The following CCSER1 variants were observed in gnomAD, a reference collection of about 807,000 sequenced individuals.
CCSER1 encodes the protein coiled-coil serine rich protein 1.
CCSER1 carries 41 observed loss-of-function variants against 82.0 expected under a neutral mutation model. The observed-to-expected ratio is 0.50, with a 90% CI of 0.39 to 0.65. The LOEUF is 0.65. CCSER1 is among the 30% of genes least tolerant of loss of function. The pLI is 0.00. For missense variants in CCSER1, 1,119 were observed against 1,064.2 expected, an observed-to-expected ratio of 1.05 and a Z score of -0.72; for synonymous variants, 414 against 383.9, an observed-to-expected ratio of 1.08 and a Z score of -0.92.
intron 3 of CCSER1, among the ~76,000 whole-genome samples, chr4:90,387,118 CAT>C (rs757222867): frequency 9.9e-5 from 15 of 152,010 alleles, no homozygotes; most frequent in Non-Finnish European, 2.2e-4. Flanking sequence ...GGCGGAAAGA[CAT>C]AAAGAAAAAC....
At chr4:91,480,366 A>G (rs868690131) in intron 10 of CCSER1, among the ~76,000 whole-genome samples, 1 of 152,208 alleles carries the variant, frequency 6.6e-6, no homozygotes. Flanking sequence ...CCAACAGTGT[A>G]AAAGTGTTCC....
chr4:91,132,922 A>G (rs888009535), intron 10 of CCSER1, among the ~76,000 whole-genome samples: 4 of 152,154 alleles, frequency 2.6e-5, no homozygotes, highest in African/African-American at 9.6e-5. Context: ...TATTTACCAC[A>G]ATAATTTTTC....
rs560273679 is a variant in CCSER1, at chr4:90,736,625, G to A, written c.2010+12634G>A. ...TGAAATGTGTTTCTTGTAGGAAACA[G>A]ATTATTAGGTCATTTTTTTTATCCA... On this transcript the variant is annotated intron_variant, in intron 7 of 10. Coordinates refer to ENST00000509176, the MANE Select transcript of CCSER1 (RefSeq NM_001145065.2). Among the ~76,000 whole-genome samples the A allele has an allele frequency of 1.0e-4, 14 of 137,200 alleles. No homozygotes were observed. In the South Asian group the frequency reaches 3.1e-3, roughly 30 times the overall value. The allele number at this position is 137,200 out of a possible 152,430, so 90.0% of individuals were successfully genotyped here.
At chr4:90,539,894 T>C (rs1040715555) in intron 5 of CCSER1, among the ~76,000 whole-genome samples, 5 of 151,902 alleles carry the variant, frequency 3.3e-5, no homozygotes, top group African/African-American at 1.2e-4. Flanking sequence ...ATATAAGTAG[T>C]AGTAATTTAC....
chr4:91,082,317 C>G (rs62312171), intron 9 of CCSER1, among the ~76,000 whole-genome samples: 26 of 152,030 alleles, frequency 1.7e-4, no homozygotes, highest in Admixed American at 1.7e-3. Context: ...GGAAAGGATT[C>G]CCTATTTAAT....
intron 1 of CCSER1, among the ~76,000 whole-genome samples, chr4:90,276,633 A>C (rs556374368): frequency 1.3e-5 from 2 of 152,228 alleles, no homozygotes; most frequent in East Asian, 3.9e-4. Flanking sequence ...GGCGTGAGCC[A>C]CTGTGCCTGG....
intron 1 of CCSER1, among the ~76,000 whole-genome samples, chr4:90,163,342 T>C (rs1224652347): frequency 1.3e-5 from 2 of 152,066 alleles, no homozygotes; most frequent in East Asian, 3.9e-4. Context: ...CATTCTTAAA[T>C]AGGTCAGAAT....
intron 3 of CCSER1, among the ~76,000 whole-genome samples, chr4:90,342,261 A>C (rs555779315): frequency 2.0e-5 from 3 of 152,256 alleles, no homozygotes; most frequent in African/African-American, 7.2e-5. Context: ...TGACCTGGGG[A>C]TCTCACAGTT....
At chr4:91,283,520 T>C (rs1743068523) in intron 10 of CCSER1, among the ~76,000 whole-genome samples, 1 of 152,142 alleles carries the variant, frequency 6.6e-6, no homozygotes, top group African/African-American at 2.4e-5. Context: ...ATCATGTGTG[T>C]TCTACTTTTC....
intron 4 of CCSER1, among the ~76,000 whole-genome samples, chr4:90,447,183 T>C (rs1276422453): frequency 6.6e-6 from 1 of 152,188 alleles, no homozygotes; most frequent in Non-Finnish European, 1.5e-5. Context: ...ACAGAAAGAC[T>C]TAGCTGTGAG....
At chr4:90,156,502 G>C (rs1190303256) in intron 1 of CCSER1, among the ~76,000 whole-genome samples, 1 of 152,142 alleles carries the variant, frequency 6.6e-6, no homozygotes, top group Non-Finnish European at 1.5e-5. Flanking sequence ...TAATGTTTGG[G>C]AGTCTAAGTC....
At chr4:90,708,710 G>T (rs1739909919) in intron 6 of CCSER1, among the ~76,000 whole-genome samples, 1 of 152,080 alleles carries the variant, frequency 6.6e-6, no homozygotes, top group African/African-American at 2.4e-5. Flanking sequence ...TTTTCTTCAA[G>T]TGGTTCTTGT....
intron 6 of CCSER1, among the ~76,000 whole-genome samples, chr4:90,671,277 AC>A (rs1439245739): frequency 4.6e-5 from 7 of 152,054 alleles, no homozygotes; most frequent in African/African-American, 1.2e-4. Flanking sequence ...TCTCTGTAGC[AC>A]GTGATGCTGT....
chr4:90,765,706 G>A (rs949491557), intron 7 of CCSER1, among the ~76,000 whole-genome samples: 18 of 152,084 alleles, frequency 1.2e-4, no homozygotes, highest in African/African-American at 3.9e-4. Flanking sequence ...GTGAAAAGTG[G>A]AGCAGAAGAG....
chr4:91,490,662 G>A (rs758967463), intron 10 of CCSER1, among the ~76,000 whole-genome samples: 10 of 150,662 alleles, frequency 6.6e-5, no homozygotes, highest in Non-Finnish European at 1.3e-4. Flanking sequence ...GAACGAATAC[G>A]ATCAAGTATT....
chr4:90,433,460 A>C (rs1457075137), intron 4 of CCSER1, among the ~76,000 whole-genome samples: 1 of 152,098 alleles, frequency 6.6e-6, no homozygotes, highest in African/African-American at 2.4e-5. Flanking sequence ...AAGAGTCCCC[A>C]AGACCATTTC....
At chr4:90,697,368 TTA>T (rs1361128787) in intron 6 of CCSER1, among the ~76,000 whole-genome samples, 3 of 147,338 alleles carry the variant, frequency 2.0e-5, no homozygotes, top group Non-Finnish European at 3.0e-5. Flanking sequence ...TTCTTTCTGA[TTA>T]TGTTATTTCA....
chr4:91,516,023 G>A (rs28806469), intron 10 of CCSER1, among the ~76,000 whole-genome samples: 6,395 of 151,700 alleles, frequency 0.042, 284 homozygotes, highest in African/African-American at 0.11. Context: ...AAAAAGTGTC[G>A]TTCAAGTATT....
At chr4:90,927,465 G>A (rs968854977) in intron 9 of CCSER1, among the ~76,000 whole-genome samples, 4 of 151,784 alleles carry the variant, frequency 2.6e-5, no homozygotes, top group African/African-American at 9.7e-5. Flanking sequence ...GTTTCAATTT[G>A]GCTTCTTAAA....
Sources: gnomAD v4.1 joint callset for allele counts (sites outside exome capture counted in the v4.1 genomes callset) on GRCh38, gnomAD v4.1.1 for gene constraint, MANE v1.5 for transcripts, NCBI Gene and HGNC (gene_info 2026-07-23, HGNC 2026-07-21) for gene names.